The following SLC24A3 variants were observed in gnomAD, a reference collection of about 807,000 sequenced individuals.
SLC24A3 encodes sodium/potassium/calcium exchanger 3.
A neutral mutation model predicts 75.8 loss-of-function variants in SLC24A3; 28 were observed. The ratio of observed to expected loss-of-function variants is 0.37; its 90% CI spans 0.27 to 0.51. The LOEUF is 0.51. SLC24A3 is among the 20% of genes least tolerant of loss of function. The pLI, the probability that SLC24A3 is intolerant of heterozygous loss-of-function variation, is 0.94. For synonymous variants in SLC24A3, 372 were observed against 334.1 expected, an observed-to-expected ratio of 1.11 and a Z score of -1.24; for missense variants, 663 against 847.8, an observed-to-expected ratio of 0.78 and a Z score of 2.71.
At chr20:19,718,523 G>A (rs946635769) in intron 16 of SLC24A3, among the ~76,000 whole-genome samples, 3 of 152,144 alleles carry the variant, frequency 2.0e-5, no homozygotes, top group African/African-American at 4.8e-5. Context: ...ACAAATGAGC[G>A]ACTGAGGCCT....
intron 2 of SLC24A3, among the ~76,000 whole-genome samples, chr20:19,399,501 A>G (rs985409659): frequency 6.6e-6 from 1 of 152,184 alleles, no homozygotes; most frequent in Non-Finnish European, 1.5e-5. Context: ...TCTTTGACAA[A>G]TTGATTATTT....
intron 2 of SLC24A3, among the ~76,000 whole-genome samples, chr20:19,354,532 A>G (rs1371580909): frequency 6.6e-6 from 1 of 152,090 alleles, no homozygotes; most frequent in East Asian, 1.9e-4. Context: ...ACCTAGAAGC[A>G]TGCCCAACAC....
At chr20:19,587,482 A>G (rs375888503) in intron 6 of SLC24A3, among the ~76,000 whole-genome samples, 6 of 152,214 alleles carry the variant, frequency 3.9e-5, no homozygotes, top group African/African-American at 1.4e-4. Flanking sequence ...AGAAGTAACA[A>G]CCATGACTGT....
At chr20:19,606,367 G>T (rs570185359) in intron 6 of SLC24A3, among the ~76,000 whole-genome samples, 145 of 152,296 alleles carry the variant, frequency 9.5e-4, no homozygotes, top group Middle Eastern at 6.8e-3. Context: ...CTCAGGCAGT[G>T]CCCATAGAGA....
chr20:19,585,049 G>A lies in SLC24A3; in HGVS notation c.502G>A (p.Val168Ile), dbSNP rs3790267. Residue 168 changes from valine to isoleucine, a missense_variant, in exon 5 of 17, where the codon GTC becomes ATC. Around this residue, in one of 2 missense-constraint regions of SLC24A3, gnomAD observed 510 missense variants for 703.6 expected, o/e 0.72. Coordinates refer to ENST00000328041, the MANE Select transcript of SLC24A3 (RefSeq NM_020689.4). ...TTCGGCCCCAGAGCTGTTCACATCG[G>A]TCATAGGTAGGTGACAGACTGAGGG... ...GSSAPELFTSVIGVFITKGDV... is the reference protein window; with the variant it reads ...GSSAPELFTSIIGVFITKGDV... 62,985 of 1,612,424 alleles carry A rather than the reference G, an allele frequency of 0.039. 1,505 individuals carry two copies. The highest frequency in any genetic ancestry group is 0.11 in the East Asian group (5,127 of 44,792).
intron 1 of SLC24A3, among the ~76,000 whole-genome samples, chr20:19,237,873 G>A (rs1207450844): frequency 2.0e-5 from 3 of 152,202 alleles, no homozygotes; most frequent in African/African-American, 4.8e-5. Context: ...TGAGTTTCAC[G>A]TCTGTCGGTT....
intron 13 of SLC24A3, chr20:19,695,474 T>C (rs1033876496): frequency 5.9e-5 from 9 of 152,228 alleles, no homozygotes; most frequent in African/African-American, 4.8e-5. Flanking sequence ...ATCTGCCTCA[T>C]CAACTGCTTT....
At chr20:19,572,752 A>AG (rs1339794538) in intron 3 of SLC24A3, among the ~76,000 whole-genome samples, 1 of 152,176 alleles carries the variant, frequency 6.6e-6, no homozygotes, top group African/African-American at 2.4e-5. Context: ...ATTTCTCTCT[A>AG]GTGACTAGAA....
chr20:19,589,694 A>G (rs977084916), intron 6 of SLC24A3, among the ~76,000 whole-genome samples: 4 of 152,280 alleles, frequency 2.6e-5, no homozygotes, highest in Middle Eastern at 3.4e-3. Flanking sequence ...ATTTTCTCTA[A>G]TGTTAAAAAT....
chr20:19,261,902 G>A (rs925499260), intron 1 of SLC24A3: 1 of 152,252 alleles, frequency 6.6e-6, no homozygotes, highest in Non-Finnish European at 1.5e-5. Flanking sequence ...AATGCAAAAT[G>A]CTTGATGTAT....
At chr20:19,514,556 C>T (rs1268239593) in intron 2 of SLC24A3, among the ~76,000 whole-genome samples, 5 of 152,186 alleles carry the variant, frequency 3.3e-5, no homozygotes, top group African/African-American at 9.7e-5. Flanking sequence ...TGTGCTGCTT[C>T]CTGCCGCGCC....
At chr20:19,530,469 C>A (rs1320308598) in intron 3 of SLC24A3, among the ~76,000 whole-genome samples, 1 of 152,196 alleles carries the variant, frequency 6.6e-6, no homozygotes, top group Admixed American at 6.5e-5. Flanking sequence ...ATTTCCATGA[C>A]AGCTCAATGG....
intron 10 of SLC24A3, 65 bp downstream of exon 10, chr20:19,682,056 C>G: frequency 6.5e-7 from 1 of 1,533,588 alleles, no homozygotes; most frequent in South Asian, 1.2e-5. Flanking sequence ...AGTTCAAGAC[C>G]AGCCTGGCCA....
chr20:19,505,568 A>G (rs1344227185), intron 2 of SLC24A3, among the ~76,000 whole-genome samples: 3 of 152,276 alleles, frequency 2.0e-5, no homozygotes, highest in Non-Finnish European at 4.4e-5. Flanking sequence ...ACAACGAGAC[A>G]ATGACAGATA....
rs927058209 is a variant in SLC24A3, at chr20:19,696,548, A to G, written c.1492-249A>G. ...TTCTCAAACCACCCGCCTCACCGGAAGAGAACAAGTGAAAAGGCCAATGTT... is the reference window on the plus strand; with the variant it reads ...TTCTCAAACCACCCGCCTCACCGGAGGAGAACAAGTGAAAAGGCCAATGTT... On this transcript the variant is annotated intron_variant, in intron 13 of 16. Coordinates refer to ENST00000328041, the MANE Select transcript of SLC24A3 (RefSeq NM_020689.4). The G allele has an allele frequency of 3.2e-5, 13 of 405,838 alleles. 1 individual carries two copies. The highest frequency in any genetic ancestry group is 5.7e-5 in the Non-Finnish European group (13 of 227,136). The allele number at this position is 405,838 out of a possible 1,614,324, so 25.1% of individuals were successfully genotyped here. A position where few individuals can be genotyped will look rare whatever the true frequency, so the allele number is the denominator to read the frequency against.
intron 3 of SLC24A3, among the ~76,000 whole-genome samples, chr20:19,553,808 C>T (rs2030740922): frequency 2.6e-5 from 4 of 152,042 alleles, no homozygotes; most frequent in Admixed American, 2.6e-4. Flanking sequence ...CCAGGGGAAA[C>T]ATAAAATATT....
chr20:19,710,442 T>C (rs914633328), intron 15 of SLC24A3, among the ~76,000 whole-genome samples: 21 of 152,212 alleles, frequency 1.4e-4, no homozygotes, highest in African/African-American at 4.6e-4. Flanking sequence ...CACCCTCCTG[T>C]TTCCTCCACA....
chr20:19,376,133 T>A (rs555833654), intron 2 of SLC24A3, among the ~76,000 whole-genome samples: 1 of 152,170 alleles, frequency 6.6e-6, no homozygotes, highest in Non-Finnish European at 1.5e-5. Context: ...TGAAAGAAAA[T>A]AAATAAGGAT....
intron 2 of SLC24A3, among the ~76,000 whole-genome samples, chr20:19,310,394 A>G (rs1373141007): frequency 6.6e-6 from 1 of 152,218 alleles, no homozygotes; most frequent in Non-Finnish European, 1.5e-5. Context: ...GAGCTAGTGT[A>G]TGTTCAGTAA....
Sources: gnomAD v4.1 joint callset for allele counts (sites outside exome capture counted in the v4.1 genomes callset) on GRCh38, gnomAD v4.1.1 for gene constraint, gnomAD v4.1.1 regional missense constraint, MANE v1.5 for transcripts, NCBI Gene and HGNC (gene_info 2026-07-23, HGNC 2026-07-21) for gene names.